The following CEP112 variants were observed in gnomAD, a reference collection of about 807,000 sequenced individuals.
The protein encoded by CEP112 is centrosomal protein of 112 kDa.
Under a neutral mutation model 153.0 loss-of-function variants are expected in CEP112, and 127 were observed. The ratio of observed to expected loss-of-function variants is 0.83; its 90% confidence interval spans 0.72 to 0.96. The LOEUF (loss-of-function observed/expected upper bound fraction) is 0.96. Ranked by LOEUF, CEP112 falls within the 40% of genes least tolerant of loss-of-function variation. The pLI, the probability that CEP112 is intolerant of heterozygous loss-of-function variation, is 0.00. For synonymous variants in CEP112, 358 were observed against 374.4 expected, an observed-to-expected ratio of 0.96 and a Z score of 0.51; for missense variants, 1,089 against 1,101.2, an observed-to-expected ratio of 0.99 and a Z score of 0.16.
intron 24 of CEP112, among the ~76,000 whole-genome samples, chr17:65,677,803 C>T (rs754886069): frequency 1.3e-5 from 2 of 152,110 alleles, no homozygotes; most frequent in African/African-American, 2.4e-5. Context: ...ATCTCAGCTA[C>T]TCAGGAGGCT....
intron 23 of CEP112, among the ~76,000 whole-genome samples, chr17:65,714,130 G>A (rs1262593561): frequency 6.6e-6 from 1 of 152,028 alleles, no homozygotes; most frequent in African/African-American, 2.4e-5. Flanking sequence ...ATTCCCAAGA[G>A]AATGTATCCC....
At chr17:65,694,217 C>T (rs919770615) in intron 23 of CEP112, among the ~76,000 whole-genome samples, 2 of 152,106 alleles carry the variant, frequency 1.3e-5, no homozygotes, top group African/African-American at 4.8e-5. Context: ...GGGTGATGCC[C>T]ACACTCAGAC....
At chr17:65,731,789 T>C (rs1000522694) in intron 23 of CEP112, among the ~76,000 whole-genome samples, 1 of 152,188 alleles carries the variant, frequency 6.6e-6, no homozygotes, top group Non-Finnish European at 1.5e-5. Flanking sequence ...CAAGAAAACA[T>C]TGTCTTTGCT....
chr17:66,121,145 A>G (rs2069565092), intron 6 of CEP112, among the ~76,000 whole-genome samples: 1 of 152,082 alleles, frequency 6.6e-6, no homozygotes, highest in Admixed American at 6.6e-5. Context: ...GCGTGGTGGC[A>G]CATGCCTGTA....
chr17:66,173,861 C>G (rs867709807), intron 4 of CEP112, among the ~76,000 whole-genome samples: 7 of 152,088 alleles, frequency 4.6e-5, no homozygotes, highest in Middle Eastern at 3.4e-3. Flanking sequence ...TCCTTTTTGC[C>G]TCCCCATTCT....
At chr17:66,087,353 G>A (rs1366947411) in intron 8 of CEP112, among the ~76,000 whole-genome samples, 1 of 151,998 alleles carries the variant, frequency 6.6e-6, no homozygotes, top group Admixed American at 6.6e-5. Context: ...ATGGTAAGCA[G>A]TCTCAACAGT....
rs546783851 is a variant in CEP112 at position 65,743,224 on chromosome 17, T to C, written c.2458-7A>G. On this transcript the variant is annotated splice_region_variant and splice_polypyrimidine_tract_variant and intron_variant, in intron 22 of 26. Coordinates refer to ENST00000535342, the MANE Select transcript of CEP112 (RefSeq NM_001199165.4). ...TCTGAAGTTCTGCTATGATCTAAAA[T>C]GAAAACAGCATGCTATAACTTCAAA... is the stretch of plus-strand genomic sequence containing the variant. The C allele has an allele frequency of 3.1e-6, 5 of 1,601,348 alleles. No individual in the cohort carries two copies. Among genetic ancestry groups the C allele is most frequent in the Non-Finnish European group, 4.3e-6 (5 of 1,176,302 alleles).
At chr17:66,121,010 G>A (rs2069554580) in intron 6 of CEP112, among the ~76,000 whole-genome samples, 1 of 152,194 alleles carries the variant, frequency 6.6e-6, no homozygotes, top group African/African-American at 2.4e-5. Context: ...CGGGTGCAGT[G>A]GCTCATGCCT....
intron 20 of CEP112, among the ~76,000 whole-genome samples, chr17:65,892,637 G>A (rs2059510116): frequency 6.6e-6 from 1 of 152,018 alleles, no homozygotes; most frequent in Non-Finnish European, 1.5e-5. Context: ...GCTTTAACAG[G>A]GGAGCCTGGA....
intron 6 of CEP112, among the ~76,000 whole-genome samples, chr17:66,121,388 G>A (rs925546263): frequency 1.3e-5 from 2 of 152,076 alleles, no homozygotes; most frequent in African/African-American, 4.8e-5. Context: ...TGCGCAAATT[G>A]ATGTTTCTCA....
chr17:65,654,635 G>A (rs959232371), intron 24 of CEP112, among the ~76,000 whole-genome samples: 69 of 152,326 alleles, frequency 4.5e-4, no homozygotes, highest in African/African-American at 1.6e-3. Flanking sequence ...TTTAGCATGA[G>A]TGAATGGTTC....
At chr17:65,915,204 A>G (rs1249155045) in intron 19 of CEP112, among the ~76,000 whole-genome samples, 1 of 152,156 alleles carries the variant, frequency 6.6e-6, no homozygotes, top group East Asian at 1.9e-4. Context: ...CTACTCATGT[A>G]TCAGTGTCTG....
At chr17:65,978,974 G>C (rs2063130644) in intron 17 of CEP112, among the ~76,000 whole-genome samples, 1 of 152,078 alleles carries the variant, frequency 6.6e-6, no homozygotes, top group South Asian at 2.1e-4. Flanking sequence ...CTGGAAGCAA[G>C]GTAACCACAC....
At chr17:65,745,520 T>C (rs766272175) in intron 22 of CEP112, among the ~76,000 whole-genome samples, 28 of 152,216 alleles carry the variant, frequency 1.8e-4, no homozygotes, top group Non-Finnish European at 3.7e-4. Context: ...CTTGGCCTAA[T>C]ATGAAATTTA....
chr17:65,923,064 T>G (rs1739893156), intron 19 of CEP112, among the ~76,000 whole-genome samples: 1 of 152,194 alleles, frequency 6.6e-6, no homozygotes, highest in Admixed American at 6.6e-5. Context: ...GAAATACCTA[T>G]TTTTAATTTA....
At chr17:65,791,551 T>C (rs2054595614) in intron 21 of CEP112, among the ~76,000 whole-genome samples, 3 of 152,250 alleles carry the variant, frequency 2.0e-5, no homozygotes, top group East Asian at 3.8e-4. Flanking sequence ...CCATATTATC[T>C]AGTTTCTATG....
At chr17:66,125,808 A>C (rs1025797245) in intron 6 of CEP112, among the ~76,000 whole-genome samples, 1 of 152,148 alleles carries the variant, frequency 6.6e-6, no homozygotes, top group African/African-American at 2.4e-5. Context: ...AGAGACTACA[A>C]ATCTCTGTGT....
chr17:66,110,981 G>A (rs533440503), intron 6 of CEP112, among the ~76,000 whole-genome samples: 8 of 152,116 alleles, frequency 5.3e-5, no homozygotes, highest in South Asian at 2.1e-4. Flanking sequence ...CTAATATCCC[G>A]CATCAATAAG....
intron 23 of CEP112, among the ~76,000 whole-genome samples, chr17:65,696,471 T>C (rs1266250795): frequency 6.6e-6 from 1 of 152,154 alleles, no homozygotes; most frequent in Non-Finnish European, 1.5e-5. Flanking sequence ...AGAGTGTTGA[T>C]TAAAGTTTTG....
Sources: gnomAD v4.1 joint callset for allele counts (sites outside exome capture counted in the v4.1 genomes callset) on GRCh38, gnomAD v4.1.1 for gene constraint, MANE v1.5 for transcripts, NCBI Gene and HGNC (gene_info 2026-07-23, HGNC 2026-07-21) for gene names.